The following CDK20 variants were observed in gnomAD, a reference collection of about 807,000 sequenced individuals.
CDK20 encodes cyclin-dependent kinase 20.
CDK20 carries 40 observed loss-of-function variants against 38.6 expected under a neutral mutation model. The ratio of observed to expected loss-of-function variants is 1.04; its 90% CI spans 0.81 to 1.35. CDK20 has a LOEUF of 1.35. Among genes scored for constraint, CDK20 ranks in the 40% most tolerant of loss-of-function variants. The pLI is 0.00. For synonymous variants in CDK20, 209 were observed against 185.7 expected (o/e 1.13, Z -1.02); for missense variants, 512 against 452.6 (o/e 1.13, Z -1.19).
At chr9:87,974,201 A>C in intron 1 of CDK20, 166 bp from the exon 2 acceptor site, 1 of 1,322,074 alleles carries the variant, frequency 7.6e-7, no homozygotes, top group African/African-American at 1.5e-5. Flanking sequence ...GGGGTAGGGG[A>C]CCAAGCCAGC....
chr9:87,970,937 C>G (rs1314236241), intron 3 of CDK20, 40 bp from the exon 4 acceptor site: 1 of 1,612,078 alleles, frequency 6.2e-7, no homozygotes, highest in East Asian at 2.2e-5. Context: ...TCCAAATCCC[C>G]CATAGGACCT....
chr9:87,971,536 C>CA (rs1461682675), intron 2 of CDK20, among the ~76,000 whole-genome samples: 1 of 152,196 alleles, frequency 6.6e-6, no homozygotes. Context: ...GGTGTGCCCC[C>CA]ACTCTAATTC....
intron 7 of CDK20, chr9:87,968,476 G>GAGACACCCTGAC (rs1829595019): frequency 6.6e-6 from 1 of 152,420 alleles, no homozygotes; most frequent in South Asian, 2.1e-4. Flanking sequence ...GGACCCCTGA[G>GAGACACCCTGAC]AGACACCCTG....
At chr9:87,970,007 G>A in intron 5 of CDK20, 88 bp from the exon 6 acceptor site, 1 of 1,427,184 alleles carries the variant, frequency 7.0e-7, no homozygotes, top group Non-Finnish European at 9.3e-7. Flanking sequence ...CTGCACTCCA[G>A]GGCAAGGCCC....
Position 87,967,339 on chromosome 9 carries a change from G to T in CDK20, c.*123C>A. 1 of 940,890 alleles carries T rather than the reference G, an allele frequency of 1.1e-6. No homozygotes were observed. The highest frequency in any genetic ancestry group is 1.7e-6 in the Non-Finnish European group (1 of 592,048). 58.3% of individuals were successfully genotyped at this position (940,890 alleles called of 1,614,324 possible). A position where few individuals can be genotyped will look rare whatever the true frequency, so the allele number is the denominator to read the frequency against. Reference sequence around the variant, plus strand: ...CAACCCTCGCAAGGGCTAAGGGGCAGGGTGTGGTGTGGGCCCACTGTGGCC... The same window carrying T: ...CAACCCTCGCAAGGGCTAAGGGGCATGGTGTGGTGTGGGCCCACTGTGGCC... On this transcript the variant is annotated 3_prime_UTR_variant, in exon 8 of 8. Coordinates refer to ENST00000325303, the MANE Select transcript of CDK20 (RefSeq NM_001039803.3).
At position 87,970,714 on chromosome 9, in the gene CDK20, GAAA is replaced by G; in HGVS notation, c.500+59_500+61del. 3.1e-6 allele frequency: 5 copies of G among 1,612,906 alleles called. No homozygotes were observed. The South Asian group carries it at 4.4e-5, about 14-fold the overall frequency. ...CCCAGCCCCACAAGCAATGTCTGGA[GAAA>G]AGGCCCAGAAGCATCTCTTCCCCAT... On this transcript the variant is annotated intron_variant, in intron 4 of 7. Transcript: ENST00000325303.
rs1326708024 is a variant in CDK20 at position 87,971,152 on chromosome 9, G to T, written c.373C>A (p.His125Asn). 1 of 1,613,740 alleles carries T rather than the reference G, an allele frequency of 6.2e-7. No homozygotes were observed. The highest frequency in any genetic ancestry group is 8.5e-7 in the Non-Finnish European group (1 of 1,179,804). The stretch of plus-strand genomic sequence containing the variant: ...CGGCCTATGCTGAGACTGACCCGAT[G>T]TACAATGTTGTTGGCATGGCAGAAG... ...VAFCHANNIV[H>N]RDLKPANLLI... is the part of the protein sequence containing the mutation. The change falls in exon 3 of 8, where the codon CAT (histidine) becomes AAT (asparagine). Residue 125 changes from histidine (H) to asparagine (N), a missense_variant. Physicochemically the swap from His to Asn is moderately conservative, Grantham distance 68 (BLOSUM62 1). Coordinates refer to ENST00000325303, the MANE Select transcript of CDK20 (RefSeq NM_001039803.3).
In CDK20 at chr9:87,969,206, G is replaced by A. The variant is rs1157816217; in HGVS notation, c.831C>T (p.Ile277=). 15 of 1,613,906 alleles carry A rather than the reference G, an allele frequency of 9.3e-6. No homozygotes were observed. The highest frequency in any genetic ancestry group is 1.3e-5 in the African/African-American group (1 of 74,906). ...CCTCTCCCCCTACCTTGGAAGCTGC[G>A]ATGCGCTGGTGAGGAGGGTAGAGAA... ...QFLLYPPHQR[I]AASKALLHQY... Residue 277 remains isoleucine (I), a synonymous_variant, in exon 7 of 8, where the codon ATC becomes ATT. Coordinates refer to ENST00000325303, the MANE Select transcript of CDK20 (RefSeq NM_001039803.3).
At position 87,971,261 on chromosome 9, in the gene CDK20, C is replaced by T. The variant is rs1462943760; in HGVS notation, c.264G>A (p.Leu88=). The T allele has an allele frequency of 1.9e-6, 3 of 1,614,112 alleles. No individual in the cohort carries two copies. Among genetic ancestry groups the T allele is most frequent in the Admixed American group, 1.7e-5 (1 of 60,026 alleles). ...TCTGGGCATGGCGCACCACCTCGGC[C>T]AGATCCGACAGCATGAACTCAAAGG... ...VLAFEFMLSD[L]AEVVRHAQRP... Residue 88 remains leucine, a synonymous_variant, in exon 3 of 8, where the codon CTG becomes CTA. Transcript: ENST00000325303.
At chr9:87,970,276 T>C (rs1829755106) in intron 5 of CDK20, 1 of 469,060 alleles carries the variant, frequency 2.1e-6, no homozygotes, top group Non-Finnish European at 3.7e-6. Flanking sequence ...AGAGATGCCA[T>C]ATCCTAGGAT....
intron 2 of CDK20, among the ~76,000 whole-genome samples, chr9:87,971,731 G>A (rs911213907): frequency 6.6e-6 from 1 of 152,168 alleles, no homozygotes; most frequent in African/African-American, 2.4e-5. Context: ...ACCTTTCCCA[G>A]TGCTGGGACA....
intron 2 of CDK20, among the ~76,000 whole-genome samples, chr9:87,973,544 C>T (rs1311391035): frequency 6.6e-6 from 1 of 152,182 alleles, no homozygotes; most frequent in African/African-American, 2.4e-5. Context: ...CTGCCTTGTA[C>T]AGTAGTAAAG....
chr9:87,968,561 C>T (rs898647065), intron 7 of CDK20: 2 of 152,856 alleles, frequency 1.3e-5, no homozygotes, highest in African/African-American at 2.4e-5. Flanking sequence ...CCTGGGTCCT[C>T]TCTTCCAGGC....
chr9:87,969,773 C>T (rs1466164766), intron 6 of CDK20, 23 bp downstream of exon 6: 1 of 1,613,276 alleles, frequency 6.2e-7, no homozygotes, highest in African/African-American at 1.3e-5. Context: ...CCCACACCCA[C>T]CTCACCAAGG....
chr9:87,969,145 T>C (rs1443484055), intron 7 of CDK20, 49 bp downstream of exon 7: 1 of 1,597,548 alleles, frequency 6.3e-7, no homozygotes, highest in Non-Finnish European at 8.5e-7. Context: ...AGTACCAGGG[T>C]GATGGGGAGG....
At chr9:87,971,654 C>T (rs978633173) in intron 2 of CDK20, among the ~76,000 whole-genome samples, 1 of 152,160 alleles carries the variant, frequency 6.6e-6, no homozygotes, top group Non-Finnish European at 1.5e-5. Context: ...ATGAGATGGA[C>T]AGGTCTCCTC....
Position 87,970,561 on chromosome 9 carries a change from G to T in CDK20, c.563+7C>A. On this transcript the variant is annotated splice_region_variant and intron_variant, in intron 5 of 7. Coordinates refer to ENST00000325303, the MANE Select transcript of CDK20 (RefSeq NM_001039803.3). ...TGTTACCCTTTGACCACCCACAGGG[G>T]TCTCACCACAGATCGACGCCCTGGT... 2 of 1,613,356 alleles carry T rather than the reference G, an allele frequency of 1.2e-6. No individual in the cohort carries two copies. The highest frequency in any genetic ancestry group is 2.2e-5 in the South Asian group (2 of 91,022).
chr9:87,970,388 G>T (rs1016879100), intron 5 of CDK20, 180 bp downstream of exon 5: 1 of 606,590 alleles, frequency 1.6e-6, no homozygotes. Flanking sequence ...TACCCAGCTC[G>T]AAAACATCAT....
At chr9:87,973,361 A>G (rs1829996718) in intron 2 of CDK20, among the ~76,000 whole-genome samples, 1 of 152,084 alleles carries the variant, frequency 6.6e-6, no homozygotes, top group South Asian at 2.1e-4. Flanking sequence ...GCTGGGCTGG[A>G]GCTGGTTTCT....
Sources: allele counts gnomAD v4.1 joint callset (sites outside exome capture counted in the v4.1 genomes callset), GRCh38; gene constraint gnomAD v4.1.1; transcripts MANE v1.5; gene names NCBI Gene and HGNC (gene_info 2026-07-23, HGNC 2026-07-21).